Variants in RBMS3 observed in about 807,000 individuals in gnomAD.
RBMS3 encodes RNA binding motif single stranded interacting protein 3, also known as RNA-binding motif, single-stranded-interacting protein 3.
A neutral mutation model predicts 66.8 loss-of-function variants in RBMS3; 27 were observed. The observed-to-expected ratio is 0.40, with a 90% CI of 0.30 to 0.56. The LOEUF is 0.56. Ranked by LOEUF, RBMS3 falls within the 20% of genes least tolerant of loss-of-function variation. RBMS3 has a pLI of 0.40. For synonymous variants in RBMS3, 188 were observed against 183.0 expected, an observed-to-expected ratio of 1.03 and a Z score of -0.22; for missense variants, 513 against 549.5, an observed-to-expected ratio of 0.93 and a Z score of 0.66.
intron 5 of RBMS3, among the ~76,000 whole-genome samples, chr3:29,748,053 G>T (rs1192444208): frequency 6.6e-6 from 1 of 152,152 alleles, no homozygotes; most frequent in African/African-American, 2.4e-5. Context: ...AAACATAGGG[G>T]TGTAATAGAG....
chr3:29,917,558 C>T (rs1478245782), intron 10 of RBMS3, among the ~76,000 whole-genome samples: 2 of 151,946 alleles, frequency 1.3e-5, no homozygotes, highest in Non-Finnish European at 1.5e-5. Flanking sequence ...AGAAATTAAA[C>T]TGGCCATACA....
At chr3:29,586,415 A>G (rs557583768) in intron 3 of RBMS3, among the ~76,000 whole-genome samples, 2 of 152,272 alleles carry the variant, frequency 1.3e-5, no homozygotes, top group South Asian at 4.1e-4. Context: ...TGTACACTAG[A>G]AACAAATAAG....
chr3:29,966,375 A>G (rs993123790), intron 12 of RBMS3, among the ~76,000 whole-genome samples: 2 of 152,192 alleles, frequency 1.3e-5, no homozygotes, highest in African/African-American at 4.8e-5. Context: ...TGTGTCGTCT[A>G]TGATTACTTT....
intron 1 of RBMS3, among the ~76,000 whole-genome samples, chr3:29,313,823 A>C (rs866221071): frequency 1.3e-5 from 2 of 151,586 alleles, no homozygotes; most frequent in African/African-American, 4.8e-5. Flanking sequence ...TCACTTTTAC[A>C]GTTGCTCTTG....
chr3:29,689,386 A>C (rs916128994), intron 4 of RBMS3, among the ~76,000 whole-genome samples: 1 of 152,158 alleles, frequency 6.6e-6, no homozygotes, highest in Non-Finnish European at 1.5e-5. Context: ...TTTAAAGTAC[A>C]TAAATGTACT....
chr3:29,851,500 G>A (rs1576993406), intron 6 of RBMS3, among the ~76,000 whole-genome samples: 2 of 152,050 alleles, frequency 1.3e-5, no homozygotes, highest in South Asian at 4.1e-4. Context: ...TCTCAAAAGG[G>A]GTTTCAACTC....
intron 1 of RBMS3, among the ~76,000 whole-genome samples, chr3:29,372,478 A>G (rs774665640): frequency 4.0e-5 from 6 of 151,760 alleles, no homozygotes; most frequent in Non-Finnish European, 8.8e-5. Flanking sequence ...CCTAGTAAAT[A>G]ATAAAACAGA....
chr3:29,621,847 A>G (rs188289865), intron 4 of RBMS3, among the ~76,000 whole-genome samples: 114 of 152,286 alleles, frequency 7.5e-4, no homozygotes, highest in African/African-American at 2.4e-3. Flanking sequence ...CTGTAGAAAA[A>G]AGAAAAAAAC....
intron 4 of RBMS3, among the ~76,000 whole-genome samples, chr3:29,727,034 C>T (rs943260606): frequency 6.6e-6 from 1 of 152,100 alleles, no homozygotes; most frequent in Admixed American, 6.6e-5. Context: ...ACCAGTGGAA[C>T]AGAACAGAGG....
At chr3:29,892,449 G>A (rs907407307) in intron 8 of RBMS3, among the ~76,000 whole-genome samples, 5 of 151,382 alleles carry the variant, frequency 3.3e-5, no homozygotes, top group African/African-American at 1.2e-4. Context: ...TTATCCACTA[G>A]ATGCCGGTAG....
At chr3:29,921,759 T>C (rs2060786135) in intron 10 of RBMS3, among the ~76,000 whole-genome samples, 1 of 152,220 alleles carries the variant, frequency 6.6e-6, no homozygotes, top group African/African-American at 2.4e-5. Flanking sequence ...ATTACTAAGA[T>C]AACAATTGAG....
intron 12 of RBMS3, among the ~76,000 whole-genome samples, chr3:29,987,390 T>C (rs1443924487): frequency 6.6e-6 from 1 of 152,206 alleles, no homozygotes; most frequent in Non-Finnish European, 1.5e-5. Flanking sequence ...GGGCTCCCTT[T>C]CTTCATTGCA....
intron 4 of RBMS3, among the ~76,000 whole-genome samples, chr3:29,646,163 G>A (rs894625537): frequency 4.6e-5 from 7 of 152,260 alleles, no homozygotes; most frequent in African/African-American, 1.7e-4. Flanking sequence ...TAATTGTACT[G>A]GTCACAGTTT....
chr3:29,648,241 A>G (rs894369294), intron 4 of RBMS3, among the ~76,000 whole-genome samples: 1 of 143,444 alleles, frequency 7.0e-6, no homozygotes, highest in African/African-American at 2.6e-5. Flanking sequence ...TTGTTCTAAC[A>G]TAGGGAAAAT....
chr3:29,349,880 C>A (rs900390416), intron 1 of RBMS3, among the ~76,000 whole-genome samples: 1 of 152,086 alleles, frequency 6.6e-6, no homozygotes, highest in African/African-American at 2.4e-5. Flanking sequence ...GTTGTTCAGG[C>A]CGGGTGAGGT....
At chr3:29,844,943 A>G (rs73831073) in intron 6 of RBMS3, among the ~76,000 whole-genome samples, 1,587 of 152,308 alleles carry the variant, frequency 0.01, 30 homozygotes, top group African/African-American at 0.036. Flanking sequence ...CTGCACAGTT[A>G]TTCAGAATCT....
chr3:29,661,018 A>G (rs2050523246), intron 4 of RBMS3, among the ~76,000 whole-genome samples: 1 of 152,096 alleles, frequency 6.6e-6, no homozygotes. Flanking sequence ...CTTTTTGCCC[A>G]CTCTGACTCT....
chr3:29,470,039 G>T (rs980734447), intron 2 of RBMS3, among the ~76,000 whole-genome samples: 2 of 146,204 alleles, frequency 1.4e-5, no homozygotes, highest in Non-Finnish European at 3.0e-5. Context: ...ATATATAAAA[G>T]AATAATATAC....
intron 4 of RBMS3, among the ~76,000 whole-genome samples, chr3:29,702,949 T>G (rs1164918402): frequency 6.6e-6 from 1 of 152,196 alleles, no homozygotes; most frequent in Non-Finnish European, 1.5e-5. Context: ...CTGAAAAGAT[T>G]GTTGGAAGCC....
Sources: allele counts gnomAD v4.1 joint callset (sites outside exome capture counted in the v4.1 genomes callset), GRCh38; gene constraint gnomAD v4.1.1; transcripts MANE v1.5; gene names NCBI Gene and HGNC (gene_info 2026-07-23, HGNC 2026-07-21).